Variants in ALCAM observed in about 807,000 individuals in gnomAD.
The protein encoded by ALCAM is CD166 antigen.
ALCAM carries 30 observed loss-of-function variants against 70.9 expected under a neutral mutation model. The observed-to-expected ratio is 0.42, with a 90% CI of 0.32 to 0.57. The LOEUF is 0.57. Among genes scored for constraint, ALCAM ranks in the 20% least tolerant of loss-of-function variants. ALCAM has a pLI of 0.11. For missense variants in ALCAM, 591 were observed against 695.1 expected (o/e 0.85, Z 1.68); for synonymous variants, 249 against 242.5 (o/e 1.03, Z -0.25).
At chr3:105,566,030 C>T (rs1037259590) in intron 14 of ALCAM, among the ~76,000 whole-genome samples, 1 of 152,206 alleles carries the variant, frequency 6.6e-6, no homozygotes, top group African/African-American at 2.4e-5. Flanking sequence ...GTGGCTTTTC[C>T]CTTAGAAATC....
chr3:105,372,726 G>T (rs1193026307), intron 1 of ALCAM, among the ~76,000 whole-genome samples: 2 of 152,102 alleles, frequency 1.3e-5, no homozygotes, highest in East Asian at 3.8e-4. Flanking sequence ...TCAGAAATTA[G>T]ACAGCTGTCC....
At chr3:105,494,714 T>C (rs1938688375) in intron 1 of ALCAM, among the ~76,000 whole-genome samples, 1 of 151,868 alleles carries the variant, frequency 6.6e-6, no homozygotes, top group Non-Finnish European at 1.5e-5. Flanking sequence ...GGCTGGAATG[T>C]AACGTCACGA....
chr3:105,440,046 G>A (rs1386158621), intron 1 of ALCAM, among the ~76,000 whole-genome samples: 1 of 152,100 alleles, frequency 6.6e-6, no homozygotes, highest in African/African-American at 2.4e-5. Context: ...AATCTCACAC[G>A]CCATCCATTC....
At chr3:105,380,648 GAA>G (rs1935494741) in intron 1 of ALCAM, among the ~76,000 whole-genome samples, 1 of 151,764 alleles carries the variant, frequency 6.6e-6, no homozygotes, top group Non-Finnish European at 1.5e-5. Flanking sequence ...TTTTAAATTT[GAA>G]ATGGAAATGA....
intron 14 of ALCAM, among the ~76,000 whole-genome samples, chr3:105,558,229 C>T (rs1337199414): frequency 2.6e-5 from 4 of 152,078 alleles, no homozygotes; most frequent in South Asian, 2.1e-4. Flanking sequence ...GGGATGCTCA[C>T]GGAAAACACT....
intron 1 of ALCAM, among the ~76,000 whole-genome samples, chr3:105,513,549 G>A (rs2152620692): frequency 6.6e-6 from 1 of 152,022 alleles, no homozygotes; most frequent in East Asian, 1.9e-4. Context: ...TCAAAGAATA[G>A]TATAGTAGAT....
intron 1 of ALCAM, among the ~76,000 whole-genome samples, chr3:105,483,236 G>C (rs577747647): frequency 1.1e-4 from 17 of 152,114 alleles, no homozygotes; most frequent in African/African-American, 4.1e-4. Context: ...CTTAGTCATC[G>C]TTTACTCATT....
At position 105,508,386 on chromosome 3, in the gene ALCAM, C is replaced by G. The variant is rs576414497; in HGVS notation, c.74-11681C>G. ...ACTGGCTTCGTGATATTGGCTTATTCTCTTGACTTTGCAGGGAGAACAGTT... is the reference window on the plus strand; with the variant it reads ...ACTGGCTTCGTGATATTGGCTTATTGTCTTGACTTTGCAGGGAGAACAGTT... On this transcript the variant is annotated intron_variant, in intron 1 of 15. Transcript: ENST00000306107. 5.3e-5 allele frequency among the ~76,000 whole-genome samples: 8 copies of G among 152,214 alleles called. No individual in the cohort carries two copies. The South Asian group carries it at 1.7e-3, about 32-fold the overall frequency.
chr3:105,384,302 A>T (rs1252520772), intron 1 of ALCAM, among the ~76,000 whole-genome samples: 1 of 151,646 alleles, frequency 6.6e-6, no homozygotes, highest in Non-Finnish European at 1.5e-5. Context: ...TTTATCACAG[A>T]TCTCATTATT....
chr3:105,375,840 C>A (rs2107323956), intron 1 of ALCAM, among the ~76,000 whole-genome samples: 1 of 152,266 alleles, frequency 6.6e-6, no homozygotes, highest in East Asian at 1.9e-4. Context: ...AAAAGGCGAC[C>A]TGATGTGGCC....
At chr3:105,542,776 A>G (rs1254148856) in intron 8 of ALCAM, among the ~76,000 whole-genome samples, 2 of 151,682 alleles carry the variant, frequency 1.3e-5, no homozygotes, top group African/African-American at 2.4e-5. Context: ...AAGCAACCAG[A>G]TGGTTGCTTC....
chr3:105,473,363 TA>T (rs1937989946), intron 1 of ALCAM, among the ~76,000 whole-genome samples: 1 of 151,542 alleles, frequency 6.6e-6, no homozygotes, highest in Non-Finnish European at 1.5e-5. Context: ...ACCTGCTTTT[TA>T]ACATCCAACT....
chr3:105,566,831 T>A (rs1032809332), intron 14 of ALCAM, among the ~76,000 whole-genome samples: 1 of 152,166 alleles, frequency 6.6e-6, no homozygotes, highest in African/African-American at 2.4e-5. Flanking sequence ...TTTAAAATAT[T>A]TTACATATCT....
At chr3:105,395,239 C>T (rs546758775) in intron 1 of ALCAM, among the ~76,000 whole-genome samples, 2 of 152,038 alleles carry the variant, frequency 1.3e-5, no homozygotes, top group South Asian at 2.1e-4. Context: ...TTAGTGACCA[C>T]AATGGAATAT....
chr3:105,393,388 G>A (rs1001616500), intron 1 of ALCAM, among the ~76,000 whole-genome samples: 4 of 151,686 alleles, frequency 2.6e-5, no homozygotes, highest in Non-Finnish European at 5.9e-5. Context: ...ATGTTATGGC[G>A]AGCAAGTATG....
chr3:105,436,324 A>T (rs1937047767), intron 1 of ALCAM, among the ~76,000 whole-genome samples: 1 of 152,006 alleles, frequency 6.6e-6, no homozygotes, highest in African/African-American at 2.4e-5. Flanking sequence ...ACTTCAGTGT[A>T]AACAGTTTAT....
chr3:105,412,789 C>G (rs996680397), intron 1 of ALCAM, among the ~76,000 whole-genome samples: 4 of 151,934 alleles, frequency 2.6e-5, no homozygotes, highest in African/African-American at 9.7e-5. Flanking sequence ...AATAAAAATA[C>G]AAAATACATA....
chr3:105,421,969 G>A (rs1374180010), intron 1 of ALCAM, among the ~76,000 whole-genome samples: 3 of 151,160 alleles, frequency 2.0e-5, no homozygotes, highest in Non-Finnish European at 4.4e-5. Context: ...CCAATATGTA[G>A]TTTTTTATCC....
At chr3:105,559,366 TA>T (rs201684512) in intron 14 of ALCAM, among the ~76,000 whole-genome samples, 25 of 148,608 alleles carry the variant, frequency 1.7e-4, no homozygotes, top group African/African-American at 5.9e-4. Context: ...GGGGTGGCTT[TA>T]AAAAAAAACA....
Sources: allele counts gnomAD v4.1 joint callset (sites outside exome capture counted in the v4.1 genomes callset), GRCh38; gene constraint gnomAD v4.1.1; transcripts MANE v1.5; gene names NCBI Gene and HGNC (gene_info 2026-07-23, HGNC 2026-07-21).